The following SGTB variants were observed in gnomAD, a reference collection of about 807,000 sequenced individuals.
The protein encoded by SGTB is small glutamine-rich tetratricopeptide repeat-containing protein beta.
Under a neutral mutation model 43.9 loss-of-function variants are expected in SGTB, and 19 were observed. That is an observed-to-expected ratio of 0.43 (90% confidence interval 0.30 to 0.63). The LOEUF (loss-of-function observed/expected upper bound fraction) is 0.63. Among genes scored for constraint, SGTB ranks in the 30% least tolerant of loss-of-function variants. The pLI is 0.12. For synonymous variants in SGTB, 116 were observed against 117.3 expected (o/e 0.99, Z 0.07); for missense variants, 304 against 358.9 (o/e 0.85, Z 1.24).
intron 10 of SGTB, among the ~76,000 whole-genome samples, chr5:65,671,130 C>T (rs1447225342): frequency 6.6e-6 from 1 of 152,102 alleles, no homozygotes; most frequent in African/African-American, 2.4e-5. Context: ...GTATGTGTAC[C>T]TAAATTGATA....
At chr5:65,706,294 TTTGA>T (rs1456145481) in intron 4 of SGTB, among the ~76,000 whole-genome samples, 2 of 152,198 alleles carry the variant, frequency 1.3e-5, no homozygotes, top group African/African-American at 2.4e-5. Flanking sequence ...GCAAAGATAG[TTTGA>T]TTTCCATGTC....
At chr5:65,719,592 G>A (rs187732727) in intron 2 of SGTB, among the ~76,000 whole-genome samples, 100 of 152,118 alleles carry the variant, frequency 6.6e-4, no homozygotes, top group African/African-American at 2.2e-3. Flanking sequence ...GACAGACCCT[G>A]TCTCAAAAAA....
At chr5:65,680,876 G>T in intron 6 of SGTB, 82 bp from the exon 7 acceptor site, 1 of 1,423,266 alleles carries the variant, frequency 7.0e-7, no homozygotes, top group Non-Finnish European at 9.5e-7. Context: ...ACGTCTGTCT[G>T]TCTTGGTATT....
At position 65,677,472 on chromosome 5, in the gene SGTB, T is replaced by G. The variant is rs1047023949; in HGVS notation, c.681+3022A>C. 3.3e-5 allele frequency among the ~76,000 whole-genome samples: 5 copies of G among 152,142 alleles called. No individual in the cohort carries two copies. In the East Asian group the frequency reaches 9.7e-4, roughly 29 times the overall value. Reference sequence around the variant, plus strand: ...TAAAAAATTGAAAAGGAGGATCTCCTCCCTAATTCATTCTATGAGGCCAAC... The same window carrying G: ...TAAAAAATTGAAAAGGAGGATCTCCGCCCTAATTCATTCTATGAGGCCAAC... On this transcript the variant is annotated intron_variant, in intron 8 of 10. Coordinates refer to ENST00000381007, the MANE Select transcript of SGTB (RefSeq NM_019072.3).
chr5:65,670,727 G>A (rs967045602), intron 10 of SGTB, among the ~76,000 whole-genome samples: 1 of 152,156 alleles, frequency 6.6e-6, no homozygotes, highest in African/African-American at 2.4e-5. Flanking sequence ...CCCAGTTTGG[G>A]ATGCTTTTGG....
At chr5:65,688,848 C>T (rs1460703361) in intron 5 of SGTB, among the ~76,000 whole-genome samples, 1 of 152,162 alleles carries the variant, frequency 6.6e-6, no homozygotes, top group Non-Finnish European at 1.5e-5. Flanking sequence ...CTTGCTCTGT[C>T]GCCCAGGCTG....
intron 5 of SGTB, among the ~76,000 whole-genome samples, chr5:65,701,666 T>G (rs919202640): frequency 1.4e-5 from 2 of 144,374 alleles, no homozygotes; most frequent in Non-Finnish European, 3.0e-5. Context: ...AGAGTCTCAC[T>G]CTGTCGCCCA....
chr5:65,685,564 C>A, intron 5 of SGTB, 92 bp from the exon 6 acceptor site: 1 of 976,990 alleles, frequency 1.0e-6, no homozygotes, highest in South Asian at 1.6e-5. Flanking sequence ...TTTTCTTGTT[C>A]CAATTTGTAG....
At chr5:65,722,350 C>T, upstream of SGTB, 1 of 1,547,846 alleles carries the variant, frequency 6.5e-7, no homozygotes, top group Non-Finnish European at 8.7e-7. Context: ...ACGCGCCCGC[C>T]GCCGCCAGCC....
At chr5:65,717,659 G>A (rs1579890465) in intron 2 of SGTB, among the ~76,000 whole-genome samples, 1 of 151,922 alleles carries the variant, frequency 6.6e-6, no homozygotes, top group East Asian at 1.9e-4. Context: ...AGTGAAGGAG[G>A]TTTGAGGGTT....
intron 3 of SGTB, among the ~76,000 whole-genome samples, chr5:65,710,995 C>CAAA (rs982877268): frequency 6.4e-5 from 6 of 93,162 alleles, no homozygotes; most frequent in South Asian, 3.8e-4. Flanking sequence ...GACTCTGTCT[C>CAAA]AAAAAAAAAA....
chr5:65,691,498 T>C lies in SGTB; in HGVS notation c.375-6026A>G, dbSNP rs1249887350. On this transcript the variant is annotated intron_variant, in intron 5 of 10. Coordinates refer to ENST00000381007, the MANE Select transcript of SGTB (RefSeq NM_019072.3). ...TGCAGTGGCACACCCAGCTGTTTTT[T>C]GTATTTTTAGTAGAGACAGGTGTTT... 4.6e-5 allele frequency among the ~76,000 whole-genome samples: 7 copies of C among 151,996 alleles called. No homozygotes were observed. The South Asian group carries it at 6.2e-4, about 14-fold the overall frequency.
intron 5 of SGTB, among the ~76,000 whole-genome samples, chr5:65,689,475 C>G (rs1757562253): frequency 6.6e-6 from 1 of 152,146 alleles, no homozygotes; most frequent in African/African-American, 2.4e-5. Context: ...CTCCTGCCCT[C>G]ATAATTATAA....
At chr5:65,675,568 G>A (rs1041290463) in intron 8 of SGTB, among the ~76,000 whole-genome samples, 5 of 152,178 alleles carry the variant, frequency 3.3e-5, no homozygotes, top group African/African-American at 1.2e-4. Flanking sequence ...ACATGGACAC[G>A]TTAAGAACCC....
chr5:65,685,552 C>G, intron 5 of SGTB, 80 bp from the exon 6 acceptor site: 1 of 1,132,420 alleles, frequency 8.8e-7, no homozygotes, highest in Non-Finnish European at 1.3e-6. Context: ...ATAATACTAC[C>G]TTTTTCTTGT....
intron 5 of SGTB, among the ~76,000 whole-genome samples, chr5:65,689,479 A>G (rs1485754744): frequency 6.6e-6 from 1 of 152,228 alleles, no homozygotes. Flanking sequence ...TGCCCTCATA[A>G]TTATAAACCA....
At chr5:65,694,756 A>C (rs1244530349) in intron 5 of SGTB, among the ~76,000 whole-genome samples, 1 of 152,114 alleles carries the variant, frequency 6.6e-6, no homozygotes, top group African/African-American at 2.4e-5. Flanking sequence ...ATGGGTTTTG[A>C]AGGATGACTA....
intron 6 of SGTB, 51 bp downstream of exon 6, chr5:65,685,317 A>C (rs749629565): frequency 2.0e-6 from 3 of 1,513,378 alleles, no homozygotes; most frequent in Admixed American, 3.4e-5. Context: ...CATTAAGAAC[A>C]GCATACCTGA....
chr5:65,696,353 A>G (rs1195760290), intron 5 of SGTB, among the ~76,000 whole-genome samples: 2 of 152,236 alleles, frequency 1.3e-5, no homozygotes, highest in Non-Finnish European at 1.5e-5. Flanking sequence ...AGTACTCAGC[A>G]CTGAAGTACA....
Sources: allele counts gnomAD v4.1 joint callset (sites outside exome capture counted in the v4.1 genomes callset), GRCh38; gene constraint gnomAD v4.1.1; transcripts MANE v1.5; gene names NCBI Gene and HGNC (gene_info 2026-07-23, HGNC 2026-07-21).